The following COL4A1 variants were observed in gnomAD, a reference collection of about 807,000 sequenced individuals.
COL4A1 encodes collagen alpha-1(IV) chain.
A neutral mutation model predicts 216.6 loss-of-function variants in COL4A1; 40 were observed. That is an observed-to-expected ratio of 0.18 (90% confidence interval 0.14 to 0.24). COL4A1 has a LOEUF of 0.24. Among genes scored for constraint, COL4A1 ranks in the 10% least tolerant of loss-of-function variants. COL4A1 has a pLI of 1.00. For synonymous variants in COL4A1, 839 were observed against 810.7 expected (o/e 1.03, Z -0.59); for missense variants, 1,628 against 2,196.8 (o/e 0.74, Z 5.18).
rs570009776 is a variant in COL4A1 at position 110,198,491 on chromosome 13, G to A, written c.1261C>T (p.Pro421Ser). The change falls in exon 21 of 52, where the codon CCC (proline) becomes TCC (serine). Residue 421 changes from proline to serine, a missense_variant. By Grantham distance (74) the Pro-to-Ser change is moderately conservative (BLOSUM62 -1). This residue lies in a region of COL4A1 where 701 missense variants were observed against 892.5 expected (regional missense o/e 0.79). Transcript: ENST00000375820. Reference protein sequence around the residue: ...GLPGPPGSPGPPGQPGYTNGI... With the variant: ...GLPGPPGSPGSPGQPGYTNGI... Reference sequence around the variant, plus strand: ...CTTGTGTAGCCAGGCTGCCCAGGGGGCCCAGGGGAACCAGGAGGACCCGGG... The same window carrying A: ...CTTGTGTAGCCAGGCTGCCCAGGGGACCCAGGGGAACCAGGAGGACCCGGG... 17 of 1,613,844 alleles carry A rather than the reference G, an allele frequency of 1.1e-5. No homozygotes were observed. In the East Asian group the frequency reaches 3.8e-4, roughly 36 times the overall value.
At chr13:110,278,556 C>T (rs779387089) in intron 1 of COL4A1, among the ~76,000 whole-genome samples, 4 of 152,128 alleles carry the variant, frequency 2.6e-5, no homozygotes, top group Admixed American at 2.0e-4. Context: ...TATATATACA[C>T]ATATATACAC....
Position 110,182,996 on chromosome 13 carries a change from T to C in COL4A1, c.2092A>G (p.Lys698Glu). 1.2e-6 allele frequency: 2 copies of C among 1,612,106 alleles called. No individual in the cohort carries two copies. Among genetic ancestry groups the C allele is most frequent in the Non-Finnish European group, 1.7e-6 (2 of 1,179,496 alleles). ...GIGFPGPPGP[K>E]GVDGLPGDMG... ...CGGGTCCGTCTGGCAGGGTTACCTT[T>C]GGGGCCGGGGGGCCCTGGAAATCCA... The change falls in exon 28 of 52, where the codon AAA becomes GAA. Residue 698 changes from lysine to glutamate, a missense_variant. Transcript: ENST00000375820.
At position 110,175,377 on chromosome 13, in the gene COL4A1, A is replaced by C. The variant is rs552002576; in HGVS notation, c.3059-20T>G. 3.1e-6 allele frequency: 5 copies of C among 1,614,086 alleles called. No homozygotes were observed. The East Asian group carries it at 8.9e-5, about 29-fold the overall frequency. ...GTGTTCCTATAAACACAAACAATTGAAACTTGATTTGGGCTTAGCTAGTGC... is the reference window on the plus strand; with the variant it reads ...GTGTTCCTATAAACACAAACAATTGCAACTTGATTTGGGCTTAGCTAGTGC... On this transcript the variant is annotated intron_variant, in intron 36 of 51. Coordinates refer to ENST00000375820, the MANE Select transcript of COL4A1 (RefSeq NM_001845.6).
chr13:110,198,057 T>G (rs2139186661), intron 21 of COL4A1, among the ~76,000 whole-genome samples: 1 of 150,106 alleles, frequency 6.7e-6, no homozygotes, highest in African/African-American at 2.5e-5. Context: ...ACCCATGTAA[T>G]CCTGTCTTCC....
intron 25 of COL4A1, among the ~76,000 whole-genome samples, chr13:110,186,875 G>C (rs1252647463): frequency 1.3e-5 from 2 of 152,078 alleles, no homozygotes; most frequent in African/African-American, 4.8e-5. Context: ...AAAGCAAAAA[G>C]ATACACAAAC....
chr13:110,176,306 A>G, intron 36 of COL4A1, 118 bp downstream of exon 36: 1 of 761,218 alleles, frequency 1.3e-6, no homozygotes, highest in South Asian at 1.4e-5. Context: ...AATTCATGTG[A>G]AAGACACACG....
intron 49 of COL4A1, chr13:110,160,940 C>T (rs937495625): frequency 1.0e-5 from 5 of 500,310 alleles, no homozygotes; most frequent in Non-Finnish European, 1.8e-5. Flanking sequence ...AACTCCTGAG[C>T]TCAAGCAACC....
chr13:110,181,083 T>C (rs189426569), intron 29 of COL4A1, among the ~76,000 whole-genome samples: 2 of 152,328 alleles, frequency 1.3e-5, no homozygotes, highest in Admixed American at 1.3e-4. Context: ...TTGAAACAAA[T>C]GTTTCATAAA....
intron 22 of COL4A1, among the ~76,000 whole-genome samples, chr13:110,194,419 A>C (rs763521781): frequency 2.0e-5 from 3 of 152,174 alleles, no homozygotes; most frequent in Non-Finnish European, 4.4e-5. Flanking sequence ...TTCCCCTCTA[A>C]GGCAGGACTG....
At chr13:110,157,149 C>T (rs555815216) in intron 49 of COL4A1, among the ~76,000 whole-genome samples, 21 of 152,312 alleles carry the variant, frequency 1.4e-4, no homozygotes, top group African/African-American at 4.3e-4. Context: ...GCCAAATTCT[C>T]CATATTGCAT....
chr13:110,161,457 C>T, intron 48 of COL4A1, 88 bp from the exon 49 acceptor site: 2 of 1,386,544 alleles, frequency 1.4e-6, no homozygotes, highest in Non-Finnish European at 2.0e-6. Context: ...GGACAACAAG[C>T]AAAAACATAT....
intron 49 of COL4A1, among the ~76,000 whole-genome samples, chr13:110,156,044 G>A (rs868363783): frequency 2.0e-5 from 3 of 152,272 alleles, no homozygotes; most frequent in Admixed American, 1.3e-4. Context: ...ACTGCTCTAC[G>A]GCCTGGGCAA....
In COL4A1 at chr13:110,152,420, G is replaced by A. The variant is rs146855373; in HGVS notation, c.4842C>T (p.Ile1614=). Residue 1614 remains isoleucine, a synonymous_variant, in exon 51 of 52, where the codon ATC becomes ATT. Coordinates refer to ENST00000375820, the MANE Select transcript of COL4A1 (RefSeq NM_001845.6). The stretch of plus-strand genomic sequence containing the variant: ...TGCAGGTCCCACGGCCGTGACACTC[G>A]ATGAATGGCGCACTTCTAAACTCCT... ...CLEEFRSAPF[I]ECHGRGTCNY... 62 of 1,614,062 alleles carry A rather than the reference G, an allele frequency of 3.8e-5. 1 individual carries two copies. The Middle Eastern group carries it at 8.2e-4, about 21-fold the overall frequency.
Position 110,191,447 on chromosome 13 carries a change from T to C in COL4A1, c.1536+767A>G, listed in dbSNP as rs948381337. The C allele has an allele frequency of 1.1e-5, 5 of 436,514 alleles. 1 individual carries two copies. The Admixed American group carries it at 1.7e-4, about 15-fold the overall frequency. The allele number at this position is 436,514 out of a possible 1,614,324, so 27.0% of individuals were successfully genotyped here. ...AAGAAAATACGAGAGGAACAATGCC[T>C]TGAGATTTCAAAACTTCAGAAACAG... On this transcript the variant is annotated intron_variant, in intron 24 of 51. Coordinates refer to ENST00000375820, the MANE Select transcript of COL4A1 (RefSeq NM_001845.6).
chr13:110,175,084 G>C, intron 37 of COL4A1, 134 bp downstream of exon 37: 1 of 1,136,382 alleles, frequency 8.8e-7, no homozygotes. Context: ...AAGGAGAGGC[G>C]ACTTGTGCTG....
At chr13:110,276,038 T>C (rs769539397) in intron 1 of COL4A1, among the ~76,000 whole-genome samples, 6 of 109,024 alleles carry the variant, frequency 5.5e-5, no homozygotes, top group African/African-American at 7.4e-5. Flanking sequence ...GCACCGAGAG[T>C]GAACCCCAGC....
intron 1 of COL4A1, among the ~76,000 whole-genome samples, chr13:110,252,736 T>C (rs1187267846): frequency 1.9e-5 from 1 of 53,154 alleles, no homozygotes; most frequent in African/African-American, 6.9e-5. Flanking sequence ...TATAAGTATG[T>C]ATGTATTATA....
chr13:110,234,144 A>G (rs569594927), intron 2 of COL4A1, among the ~76,000 whole-genome samples: 1 of 152,230 alleles, frequency 6.6e-6, no homozygotes, highest in South Asian at 2.1e-4. Context: ...TCTTTTAGCA[A>G]CTCTGGGGAA....
At chr13:110,165,500 G>A (rs1877295442) in intron 45 of COL4A1, among the ~76,000 whole-genome samples, 1 of 151,886 alleles carries the variant, frequency 6.6e-6, no homozygotes, top group Non-Finnish European at 1.5e-5. Context: ...CAAAGTGCGA[G>A]TTCCCCTCAG....
Sources: gnomAD v4.1 joint callset for allele counts (sites outside exome capture counted in the v4.1 genomes callset) on GRCh38, gnomAD v4.1.1 for gene constraint, gnomAD v4.1.1 regional missense constraint, MANE v1.5 for transcripts, NCBI Gene and HGNC (gene_info 2026-07-23, HGNC 2026-07-21) for gene names.